The following PIBF1 variants were observed in gnomAD, a reference collection of about 807,000 sequenced individuals.
PIBF1 encodes progesterone immunomodulatory binding factor 1.
PIBF1 carries 90 observed loss-of-function variants against 112.5 expected under a neutral mutation model. The ratio of observed to expected loss-of-function variants is 0.80; its 90% CI spans 0.67 to 0.95. PIBF1 has a LOEUF of 0.95. Among genes scored for constraint, PIBF1 ranks in the 40% least tolerant of loss-of-function variants. PIBF1 has a pLI of 0.00. For missense variants in PIBF1, 915 were observed against 852.3 expected (o/e 1.07, Z -0.92); for synonymous variants, 301 against 288.6 (o/e 1.04, Z -0.44).
chr13:72,833,900 A>G (rs989656927), intron 8 of PIBF1, among the ~76,000 whole-genome samples: 1 of 152,126 alleles, frequency 6.6e-6, no homozygotes, highest in East Asian at 1.9e-4. Context: ...AGTTTTATCT[A>G]TCAATTTTAT....
intron 3 of PIBF1, among the ~76,000 whole-genome samples, chr13:72,793,469 G>T (rs1454322398): frequency 6.6e-6 from 1 of 152,296 alleles, no homozygotes; most frequent in South Asian, 2.1e-4. Flanking sequence ...TTTCTGACTT[G>T]TGGGGGTGGG....
At chr13:72,877,857 C>T (rs991975960) in intron 10 of PIBF1, among the ~76,000 whole-genome samples, 2 of 151,462 alleles carry the variant, frequency 1.3e-5, no homozygotes, top group South Asian at 2.1e-4. Context: ...TCAAGCAATT[C>T]TCCTGCCTCA....
chr13:72,990,345 AC>A (rs1478983661), intron 16 of PIBF1, among the ~76,000 whole-genome samples: 2 of 146,240 alleles, frequency 1.4e-5, no homozygotes, highest in Admixed American at 6.9e-5. Flanking sequence ...CATGGTGAAA[AC>A]CCCGTCTCTA....
chr13:72,864,579 C>T (rs1389229673), intron 10 of PIBF1, among the ~76,000 whole-genome samples: 1 of 152,028 alleles, frequency 6.6e-6, no homozygotes, highest in Admixed American at 6.6e-5. Context: ...GTTCATACAG[C>T]TTTCTTTATA....
At position 72,893,913 on chromosome 13, in the gene PIBF1, T is replaced by A; in HGVS notation, c.1452T>A (p.Cys484Ter). 1 of 1,606,372 alleles carries A rather than the reference T, an allele frequency of 6.2e-7. No individual in the cohort carries two copies. Among genetic ancestry groups the A allele is most frequent in the Non-Finnish European group, 8.5e-7 (1 of 1,176,708 alleles). The change falls in exon 11 of 18, where the codon TGT becomes TGA. Residue 484 changes from cysteine to a stop codon, truncating the protein, a stop_gained. Transcript: ENST00000326291. LOFTEE classifies it high-confidence loss of function. ...QEETARNLTQCQLECEKYQKK... is the reference protein window; with the variant it reads ...QEETARNLTQ ...AAACAGCAAGAAATCTCACACAGTG[T>A]CAATTGGAATGTGAAAAATATCAGA...
chr13:72,789,366 T>C (rs2034774241), intron 2 of PIBF1, among the ~76,000 whole-genome samples: 2 of 152,036 alleles, frequency 1.3e-5, no homozygotes, highest in Admixed American at 1.3e-4. Context: ...TTTAATTTTT[T>C]TGTAGAAACA....
At chr13:73,013,300 CAAAA>C (rs869055620) in intron 17 of PIBF1, among the ~76,000 whole-genome samples, 9 of 14,654 alleles carry the variant, frequency 6.1e-4, no homozygotes, top group Non-Finnish European at 9.8e-4. Context: ...GACTCTGTCT[CAAAA>C]AAAAAAAAAA....
intron 2 of PIBF1, among the ~76,000 whole-genome samples, chr13:72,785,576 C>G (rs374023335): frequency 2.6e-5 from 4 of 152,194 alleles, no homozygotes; most frequent in Non-Finnish European, 5.9e-5. Context: ...CAAACACTTT[C>G]TTTTAGGTAC....
chr13:72,932,197 G>A (rs1018069110), intron 14 of PIBF1, among the ~76,000 whole-genome samples: 23 of 151,742 alleles, frequency 1.5e-4, no homozygotes, highest in Non-Finnish European at 3.1e-4. Flanking sequence ...ACCTGCCTAG[G>A]GCCTCTGAAA....
chr13:72,911,578 C>G (rs1418905380), intron 12 of PIBF1, among the ~76,000 whole-genome samples: 1 of 151,918 alleles, frequency 6.6e-6, no homozygotes, highest in African/African-American at 2.4e-5. Flanking sequence ...TTTGACATGG[C>G]CCTTGAATGT....
rs778432136 is a variant in PIBF1, at chr13:72,795,335, G to T, written c.354-24G>T. The T allele has an allele frequency of 2.1e-6, 3 of 1,404,618 alleles. No individual in the cohort carries two copies. The African/African-American group carries it at 4.3e-5, about 20-fold the overall frequency. 87.0% of individuals were successfully genotyped at this position (1,404,618 alleles called of 1,614,324 possible). A position where few individuals can be genotyped will look rare whatever the true frequency, so the allele number is the denominator to read the frequency against. On this transcript the variant is annotated intron_variant, in intron 3 of 17. Transcript: ENST00000326291. Reference sequence around the variant, plus strand: ...GATCTCAAATACTTTTTTAAAGCCTGCCATAAATTCTCTTCTAATGTAGCA... The same window carrying T: ...GATCTCAAATACTTTTTTAAAGCCTTCCATAAATTCTCTTCTAATGTAGCA...
intron 8 of PIBF1, among the ~76,000 whole-genome samples, chr13:72,832,735 C>A (rs918227184): frequency 6.6e-6 from 1 of 152,104 alleles, no homozygotes; most frequent in Non-Finnish European, 1.5e-5. Context: ...GCGAATCTGA[C>A]AATTATGTGT....
At chr13:72,783,981 A>G (rs1428008726) in intron 2 of PIBF1, among the ~76,000 whole-genome samples, 2 of 151,382 alleles carry the variant, frequency 1.3e-5, no homozygotes, top group Admixed American at 6.6e-5. Context: ...TAGGAGGAAT[A>G]CATTCAAGAG....
intron 10 of PIBF1, among the ~76,000 whole-genome samples, chr13:72,860,414 A>G (rs1364889682): frequency 1.3e-5 from 2 of 151,136 alleles, no homozygotes; most frequent in Non-Finnish European, 2.9e-5. Context: ...TATGTTGCCT[A>G]TGTGTTTAAA....
chr13:72,970,029 G>T (rs1391981232), intron 15 of PIBF1, among the ~76,000 whole-genome samples: 3 of 152,202 alleles, frequency 2.0e-5, no homozygotes, highest in African/African-American at 7.2e-5. Flanking sequence ...ATCAATTGAT[G>T]ATTTTTAAAT....
chr13:72,839,690 A>G (rs911011566), intron 9 of PIBF1, among the ~76,000 whole-genome samples: 1 of 152,194 alleles, frequency 6.6e-6, no homozygotes. Flanking sequence ...TTGGTATGTA[A>G]TCATCTTGAA....
intron 17 of PIBF1, among the ~76,000 whole-genome samples, chr13:73,009,711 T>C (rs1372005088): frequency 6.6e-6 from 1 of 152,134 alleles, no homozygotes; most frequent in East Asian, 1.9e-4. Context: ...GACTTTGAAA[T>C]TAAAATGGTT....
intron 9 of PIBF1, among the ~76,000 whole-genome samples, chr13:72,838,853 G>A (rs1217013099): frequency 6.6e-6 from 1 of 152,084 alleles, no homozygotes; most frequent in African/African-American, 2.4e-5. Flanking sequence ...AGGAAATTGG[G>A]GGAATGAATA....
At chr13:72,868,551 G>A (rs1332505410) in intron 10 of PIBF1, among the ~76,000 whole-genome samples, 1 of 152,166 alleles carries the variant, frequency 6.6e-6, no homozygotes, top group Non-Finnish European at 1.5e-5. Context: ...TGTTCTGTAT[G>A]TTGGTGTAAC....
Sources: allele counts gnomAD v4.1 joint callset (sites outside exome capture counted in the v4.1 genomes callset), GRCh38; gene constraint gnomAD v4.1.1; transcripts MANE v1.5; gene names NCBI Gene and HGNC (gene_info 2026-07-23, HGNC 2026-07-21).